CDH18: variants seen among roughly 807,000 people sequenced by gnomAD.
The protein encoded by CDH18 is cadherin 18.
In CDH18, 31 loss-of-function variants were observed where a neutral mutation model predicts 67.9. The ratio of observed to expected loss-of-function variants is 0.46; its 90% CI spans 0.34 to 0.62. The LOEUF is 0.62. Ranked by LOEUF, CDH18 falls within the 20% of genes least tolerant of loss-of-function variation. The pLI is 0.01. For synonymous variants in CDH18, 362 were observed against 347.2 expected (o/e 1.04, Z -0.48); for missense variants, 890 against 975.5 (o/e 0.91, Z 1.17).
chr5:19,769,562 G>A (rs138014498), intron 3 of CDH18, among the ~76,000 whole-genome samples: 2 of 152,144 alleles, frequency 1.3e-5, no homozygotes, highest in African/African-American at 4.8e-5. Flanking sequence ...TCTATAGGCT[G>A]AAAAGTTGTA....
intron 4 of CDH18, among the ~76,000 whole-genome samples, chr5:19,724,206 T>C (rs1766504206): frequency 6.6e-6 from 1 of 152,148 alleles, no homozygotes. Flanking sequence ...TATGGGTACA[T>C]GCAACAACTT....
chr5:20,503,489 A>AT (rs1250652392), intron 1 of CDH18, among the ~76,000 whole-genome samples: 1 of 152,146 alleles, frequency 6.6e-6, no homozygotes, highest in Non-Finnish European at 1.5e-5. Context: ...TATCATTCTC[A>AT]TTTTTCCAGA....
chr5:19,950,810 G>T (rs1795718350), intron 2 of CDH18, among the ~76,000 whole-genome samples: 1 of 152,080 alleles, frequency 6.6e-6, no homozygotes, highest in Non-Finnish European at 1.5e-5. Context: ...TTAATGGATA[G>T]AAATGAAATA....
At chr5:19,811,076 GAA>G (rs1224897845) in intron 3 of CDH18, among the ~76,000 whole-genome samples, 1 of 116,962 alleles carries the variant, frequency 8.5e-6, no homozygotes, top group East Asian at 2.7e-4. Context: ...GGGAGAAAGA[GAA>G]AAAGAAAGAA....
At chr5:20,305,958 A>G (rs2149978576) in intron 1 of CDH18, 1 of 163,468 alleles carries the variant, frequency 6.1e-6, no homozygotes, top group South Asian at 1.8e-4. Flanking sequence ...TATGCTGGAT[A>G]ATGTGTTTAA....
At chr5:19,594,705 C>A (rs1214287623) in intron 6 of CDH18, among the ~76,000 whole-genome samples, 1 of 152,042 alleles carries the variant, frequency 6.6e-6, no homozygotes, top group African/African-American at 2.4e-5. Flanking sequence ...TTTGTCTTTC[C>A]ACATATATTT....
intron 1 of CDH18, among the ~76,000 whole-genome samples, chr5:20,323,783 G>A (rs1404084767): frequency 6.6e-6 from 1 of 152,138 alleles, no homozygotes; most frequent in Admixed American, 6.5e-5. Context: ...AACATGTTTT[G>A]TTGTAATTAT....
chr5:20,073,244 T>G (rs557767480), intron 2 of CDH18, among the ~76,000 whole-genome samples: 1 of 152,010 alleles, frequency 6.6e-6, no homozygotes, highest in Non-Finnish European at 1.5e-5. Context: ...TTATTTCTTA[T>G]TTTTTTCTCT....
At chr5:19,787,322 C>T (rs547719291) in intron 3 of CDH18, among the ~76,000 whole-genome samples, 8,429 of 151,844 alleles carry the variant, frequency 0.056, 540 homozygotes, top group African/African-American at 0.16. Context: ...CGTGGTGGTG[C>T]GCACCTGTAG....
chr5:19,711,221 C>A (rs1764656658), intron 5 of CDH18, among the ~76,000 whole-genome samples: 1 of 151,860 alleles, frequency 6.6e-6, no homozygotes, highest in Non-Finnish European at 1.5e-5. Context: ...AAAGGAAATG[C>A]AACAAAAACA....
chr5:20,501,262 T>C (rs1465319925), intron 1 of CDH18, among the ~76,000 whole-genome samples: 1 of 151,492 alleles, frequency 6.6e-6, no homozygotes, highest in East Asian at 1.9e-4. Flanking sequence ...AAAGCAAATA[T>C]CCATGTGTAG....
chr5:19,872,158 G>C (rs1786388190), intron 2 of CDH18, among the ~76,000 whole-genome samples: 1 of 151,996 alleles, frequency 6.6e-6, no homozygotes, highest in African/African-American at 2.4e-5. Context: ...TGTTACATTT[G>C]GTAAACAGCC....
intron 8 of CDH18, among the ~76,000 whole-genome samples, chr5:19,556,365 T>A (rs1227867275): frequency 6.6e-6 from 1 of 151,660 alleles, no homozygotes; most frequent in Non-Finnish European, 1.5e-5. Context: ...CTTAAAGAAA[T>A]CCAAAATAAT....
rs1030579240 is a variant in CDH18, at chr5:19,747,208, C to T, written c.257G>A (p.Gly86Glu). Residue 86 changes from glycine (G) to glutamate (E), a missense_variant, in exon 4 of 13, where the codon GGA (glycine) becomes GAA (glutamate). Physicochemically the swap from Gly to Glu is moderately conservative, Grantham distance 98. Coordinates refer to ENST00000382275, the MANE Select transcript of CDH18 (RefSeq NM_004934.5). Reference protein sequence around the residue: ...KLHSNSDKGDGSVKYILTGEG... With the variant: ...KLHSNSDKGDESVKYILTGEG... ...TCCAGTAAGGATGTACTTGACAGAT[C>T]CATCACCTTTGTCAGAATTGGAGTG... is the stretch of plus-strand genomic sequence containing the variant. The T allele has an allele frequency of 1.2e-6, 2 of 1,613,740 alleles. No homozygotes were observed. Among genetic ancestry groups the T allele is most frequent in the Non-Finnish European group, 1.7e-6 (2 of 1,179,738 alleles).
intron 1 of CDH18, among the ~76,000 whole-genome samples, chr5:20,556,353 T>C (rs1414818230): frequency 1.3e-5 from 2 of 152,146 alleles, no homozygotes; most frequent in South Asian, 4.1e-4. Flanking sequence ...CATTGCAGTA[T>C]AGCTTATGCA....
Position 19,598,132 on chromosome 5 carries a change from C to A in CDH18, c.812-6888G>T, listed in dbSNP as rs551003552. On this transcript the variant is annotated intron_variant, in intron 6 of 12. Coordinates refer to ENST00000382275, the MANE Select transcript of CDH18 (RefSeq NM_004934.5). ...CTCTCTAGAGTTTTAGAACACAGACCTTCCCTGGTTGTATCACTACTTTGC... is the reference window on the plus strand; with the variant it reads ...CTCTCTAGAGTTTTAGAACACAGACATTCCCTGGTTGTATCACTACTTTGC... Among the ~76,000 whole-genome samples, 21 of 152,256 alleles carry A rather than the reference C, an allele frequency of 1.4e-4. No individual in the cohort carries two copies. In the South Asian group the frequency reaches 3.7e-3, roughly 27 times the overall value.
intron 1 of CDH18, among the ~76,000 whole-genome samples, chr5:20,329,966 T>G (rs546887835): frequency 6.6e-6 from 1 of 152,036 alleles, no homozygotes; most frequent in South Asian, 2.1e-4. Context: ...ATTACATTTT[T>G]CCTAGAGAGA....
chr5:20,550,660 T>C (rs1757581127), intron 1 of CDH18, among the ~76,000 whole-genome samples: 1 of 152,150 alleles, frequency 6.6e-6, no homozygotes, highest in Non-Finnish European at 1.5e-5. Context: ...ATAAGGATAA[T>C]TTGGTTTAGG....
chr5:20,163,961 A>G (rs1736089648), intron 2 of CDH18, among the ~76,000 whole-genome samples: 1 of 152,206 alleles, frequency 6.6e-6, no homozygotes, highest in African/African-American at 2.4e-5. Context: ...TGAAGATTGT[A>G]AAAAATAAAA....
Sources: allele counts gnomAD v4.1 joint callset (sites outside exome capture counted in the v4.1 genomes callset), GRCh38; gene constraint gnomAD v4.1.1; transcripts MANE v1.5; gene names NCBI Gene and HGNC (gene_info 2026-07-23, HGNC 2026-07-21).